The following ATP7B variants were observed in gnomAD, a reference collection of about 807,000 sequenced individuals.
ATP7B encodes copper-transporting ATPase 2.
Under a neutral mutation model 118.9 loss-of-function variants are expected in ATP7B, and 113 were observed. The observed-to-expected ratio is 0.95, with a 90% CI of 0.82 to 1.11. ATP7B has a LOEUF of 1.11. Ranked by LOEUF, ATP7B falls within the 50% of genes most tolerant of loss-of-function variation. ATP7B has a pLI of 0.00. For synonymous variants in ATP7B, 777 were observed against 727.4 expected (o/e 1.07, Z -1.10); for missense variants, 1,867 against 1,871.4 (o/e 1.00, Z 0.04).
intron 1 of ATP7B, among the ~76,000 whole-genome samples, chr13:51,999,530 GGAT>G (rs1403862927): frequency 6.6e-6 from 1 of 152,122 alleles, no homozygotes; most frequent in African/African-American, 2.4e-5. Context: ...CGAAGAGATG[GGAT>G]GGCCAAAAAG....
At position 51,937,210 on chromosome 13, in the gene ATP7B, G is replaced by A. The variant is rs897607282; in HGVS notation, c.4021+66C>T. 9 of 1,514,332 alleles carry A rather than the reference G, an allele frequency of 5.9e-6. No individual in the cohort carries two copies. In the Admixed American group the frequency reaches 1.3e-4, roughly 23 times the overall value. The allele number at this position is 1,514,332 out of a possible 1,614,324, so 93.8% of individuals were successfully genotyped here. ...GTGAGTGAGCCACTCACTAACCCCA[G>A]CAGGAACCTGGGAGACAGAAGCCTT... On this transcript the variant is annotated intron_variant, in intron 19 of 20. Transcript: ENST00000242839.
intron 1 of ATP7B, among the ~76,000 whole-genome samples, chr13:51,994,134 C>T (rs1050267759): frequency 6.6e-6 from 1 of 152,162 alleles, no homozygotes; most frequent in Non-Finnish European, 1.5e-5. Context: ...TATAAATGTT[C>T]ACCGTATATT....
At chr13:51,984,772 A>C (rs187048274) in intron 1 of ATP7B, among the ~76,000 whole-genome samples, 1 of 152,224 alleles carries the variant, frequency 6.6e-6, no homozygotes, top group Non-Finnish European at 1.5e-5. Context: ...CGACATTCTT[A>C]AAGAAAATAA....
At chr13:51,987,725 A>G (rs1297221217) in intron 1 of ATP7B, among the ~76,000 whole-genome samples, 1 of 152,228 alleles carries the variant, frequency 6.6e-6, no homozygotes, top group East Asian at 1.9e-4. Flanking sequence ...ATATAGACCA[A>G]TGGAACAGAA....
At position 51,934,883 on chromosome 13, in the gene ATP7B, T is replaced by A; in HGVS notation, c.4271A>T (p.Tyr1424Phe). ...PRATPWDQVS[Y>F]VSQVSLSSLT... ...GGAGGACAGCGACACCTGGCTGACA[T>A]AGCTGACCTGGTCCCATGGTGTGGC... The change falls in exon 21 of 21, where the codon TAT becomes TTT. Residue 1424 changes from tyrosine (Y) to phenylalanine (F), a missense_variant. By Grantham distance (22) the Tyr-to-Phe change is conservative. Transcript: ENST00000242839. The A allele has an allele frequency of 6.2e-7, 1 of 1,614,200 alleles. No individual in the cohort carries two copies. The highest frequency in any genetic ancestry group is 1.3e-5 in the African/African-American group (1 of 75,062).
chr13:51,993,478 A>G (rs1222696180), intron 1 of ATP7B, among the ~76,000 whole-genome samples: 1 of 152,096 alleles, frequency 6.6e-6, no homozygotes, highest in African/African-American at 2.4e-5. Context: ...CAGGAAAATC[A>G]TTTGAACCCG....
intron 15 of ATP7B, 94 bp from the exon 16 acceptor site, chr13:51,941,318 A>G (rs1957319419): frequency 8.6e-6 from 13 of 1,503,984 alleles, no homozygotes; most frequent in Non-Finnish European, 1.1e-5. Context: ...TATCCTTTTA[A>G]CCATTCTGAA....
At position 51,933,222 on chromosome 13, in the gene ATP7B, A is replaced by C. The variant is rs1000565729; in HGVS notation, c.*1534T>G. On this transcript the variant is annotated 3_prime_UTR_variant, in exon 21 of 21. Coordinates refer to ENST00000242839, the MANE Select transcript of ATP7B (RefSeq NM_000053.4). ...AACTTCTATTCAAGGTAGAAGGACA[A>C]TAAGAGTGAAGCCTTCACAGCTGAC... is the stretch of plus-strand genomic sequence containing the variant. 6.6e-6 allele frequency: 1 copy of C among 152,178 alleles called. No individual in the cohort carries two copies. Among genetic ancestry groups the C allele is most frequent in the African/African-American group, 2.4e-5 (1 of 41,434 alleles). 9.4% of individuals were successfully genotyped at this position (152,178 alleles called of 1,614,324 possible).
At chr13:51,969,127 A>C (rs1485595321) in intron 3 of ATP7B, among the ~76,000 whole-genome samples, 1 of 148,820 alleles carries the variant, frequency 6.7e-6, no homozygotes, top group African/African-American at 2.5e-5. Flanking sequence ...CCAAGGCATC[A>C]TTTTTTTTTA....
chr13:51,949,923 A>C (rs577348540), intron 11 of ATP7B, 84 bp downstream of exon 11: 1 of 1,611,458 alleles, frequency 6.2e-7, no homozygotes, highest in Admixed American at 1.7e-5. Flanking sequence ...TCTCTACTCA[A>C]TAAAACTGTC....
At chr13:51,954,880 G>A (rs1376359356) in intron 9 of ATP7B, among the ~76,000 whole-genome samples, 1 of 152,164 alleles carries the variant, frequency 6.6e-6, no homozygotes, top group Non-Finnish European at 1.5e-5. Flanking sequence ...GTGGGAGAGT[G>A]AGACGTCCCA....
At chr13:51,956,238 C>A (rs543517823) in intron 9 of ATP7B, among the ~76,000 whole-genome samples, 145 of 152,312 alleles carry the variant, frequency 9.5e-4, no homozygotes, top group African/African-American at 3.3e-3. Flanking sequence ...TGGCCCCGGT[C>A]AGTTCCTCTA....
At chr13:51,954,885 G>A (rs912983238) in intron 9 of ATP7B, among the ~76,000 whole-genome samples, 3 of 152,146 alleles carry the variant, frequency 2.0e-5, no homozygotes, top group Admixed American at 6.5e-5. Flanking sequence ...AGAGTGAGAC[G>A]TCCCAGTGAC....
intron 20 of ATP7B, 81 bp from the exon 21 acceptor site, chr13:51,935,110 C>T: frequency 2.0e-6 from 3 of 1,536,380 alleles, no homozygotes; most frequent in South Asian, 1.2e-5. Context: ...GAAGGCCTCT[C>T]ATCCATCTTT....
Position 51,973,932 on chromosome 13 carries a change from T to TAC in ATP7B, c.1285+1_1285+2dup, listed in dbSNP as rs1188502041. 6.2e-7 allele frequency: 1 copy of TAC among 1,614,264 alleles called. No individual in the cohort carries two copies. The highest frequency in any genetic ancestry group is 8.5e-7 in the Non-Finnish European group (1 of 1,180,046). ...CAGGACATGCCTCAAACACACTACG[T>TAC]ACCAGAAACGACTGAAGCCTCAAAT... is the stretch of plus-strand genomic sequence containing the variant. On this transcript the variant is annotated splice_region_variant and intron_variant, in intron 2 of 20. Coordinates refer to ENST00000242839, the MANE Select transcript of ATP7B (RefSeq NM_000053.4).
intron 3 of ATP7B, among the ~76,000 whole-genome samples, chr13:51,969,264 T>C (rs1951725655): frequency 6.6e-6 from 1 of 152,070 alleles, no homozygotes; most frequent in South Asian, 2.1e-4. Flanking sequence ...AAAATAGAGC[T>C]TCTGACTAGT....
upstream of ATP7B, chr13:52,011,923 G>A (rs1453919028): frequency 3.6e-6 from 1 of 275,234 alleles, no homozygotes; most frequent in South Asian, 3.6e-5. Context: ...CGCCGCGTCG[G>A]GTCCGCTCTG....
At chr13:52,000,889 G>A (rs1953463189) in intron 1 of ATP7B, among the ~76,000 whole-genome samples, 1 of 152,100 alleles carries the variant, frequency 6.6e-6, no homozygotes, top group South Asian at 2.1e-4. Context: ...GCATGGTGGT[G>A]CACACTTGTA....
At chr13:51,938,410 T>C (rs972346565) in intron 17 of ATP7B, among the ~76,000 whole-genome samples, 2 of 152,170 alleles carry the variant, frequency 1.3e-5, no homozygotes, top group Non-Finnish European at 2.9e-5. Flanking sequence ...GATGAACAAG[T>C]GCTAGCCAGA....
Sources: gnomAD v4.1 joint callset for allele counts (sites outside exome capture counted in the v4.1 genomes callset) on GRCh38, gnomAD v4.1.1 for gene constraint, MANE v1.5 for transcripts, NCBI Gene and HGNC (gene_info 2026-07-23, HGNC 2026-07-21) for gene names.